Variants in PAK3 observed in about 807,000 individuals in gnomAD.
PAK3 encodes serine/threonine-protein kinase PAK 3.
PAK3 carries 4 observed loss-of-function variants against 41.0 expected under a neutral mutation model. The ratio of observed to expected loss-of-function variants is 0.10; its 90% CI spans 0.05 to 0.22. PAK3 has a LOEUF of 0.22. Ranked by LOEUF, PAK3 falls within the 10% of genes least tolerant of loss-of-function variation. PAK3 has a pLI of 1.00. For synonymous variants in PAK3, 146 were observed against 139.6 expected, an observed-to-expected ratio of 1.05 and a Z score of -0.32; for missense variants, 205 against 409.9, an observed-to-expected ratio of 0.50 and a Z score of 4.32.
intron 1 of PAK3, among the ~76,000 whole-genome samples, chrX:111,037,647 A>C (rs1257985050): frequency 8.9e-6 from 1 of 111,781 alleles, no homozygotes; most frequent in Non-Finnish European, 1.9e-5. Context: ...TACATAGTAC[A>C]TGCTGATGAA....
At chrX:110,977,556 T>C (rs2091363274) in intron 1 of PAK3, among the ~76,000 whole-genome samples, 1 of 111,300 alleles carries the variant, frequency 9.0e-6, no homozygotes, top group Non-Finnish European at 1.9e-5. Flanking sequence ...TCCATTTGCT[T>C]AGGTTTTCTT....
At chrX:111,062,777 A>G (rs2092667948) in intron 1 of PAK3, among the ~76,000 whole-genome samples, 1 of 111,176 alleles carries the variant, frequency 9.0e-6, no homozygotes, top group Non-Finnish European at 1.9e-5. Flanking sequence ...GAGGATAAAG[A>G]ACTGTGATTT....
chrX:111,123,620 G>A lies in PAK3; in HGVS notation c.175+342G>A, dbSNP rs1315516007. Among the ~76,000 whole-genome samples the A allele has an allele frequency of 3.6e-5, 4 of 112,185 alleles. No individual in the cohort carries two copies. The East Asian group carries it at 8.4e-4, about 23-fold the overall frequency. On this transcript the variant is annotated intron_variant, in intron 5 of 17. Coordinates refer to ENST00000372007, the MANE Select transcript of PAK3 (RefSeq NM_002578.5). Reference sequence around the variant, plus strand: ...TACAATAATCCCTCCCTAACTATAAGTTGTTCTTTTTGGAAATTTGGGTAT... The same window carrying A: ...TACAATAATCCCTCCCTAACTATAAATTGTTCTTTTTGGAAATTTGGGTAT...
chrX:111,114,897 T>A (rs1456696618), intron 4 of PAK3, among the ~76,000 whole-genome samples: 1 of 112,129 alleles, frequency 8.9e-6, no homozygotes, highest in Non-Finnish European at 1.9e-5. Context: ...ACTGACTGAT[T>A]TACCCTCAGG....
intron 11 of PAK3, among the ~76,000 whole-genome samples, chrX:111,175,486 C>T (rs1380183561): frequency 2.7e-5 from 3 of 111,384 alleles, no homozygotes; most frequent in Non-Finnish European, 5.7e-5. Flanking sequence ...AAATATGGCT[C>T]GTGGCTCATG....
chrX:111,068,843 T>A (rs1031046281), intron 1 of PAK3, among the ~76,000 whole-genome samples: 22 of 112,410 alleles, frequency 2.0e-4, no homozygotes, highest in South Asian at 1.1e-3. Flanking sequence ...TTTAAAAGTG[T>A]GTTTATGTTT....
intron 1 of PAK3, among the ~76,000 whole-genome samples, chrX:110,969,720 A>G (rs772955808): frequency 1.8e-5 from 2 of 111,666 alleles, no homozygotes; most frequent in African/African-American, 6.5e-5. Flanking sequence ...CACCAATACA[A>G]TGCTCTCTTG....
chrX:111,006,813 C>T (rs981562632), intron 1 of PAK3, among the ~76,000 whole-genome samples: 2 of 8,613 alleles, frequency 2.3e-4, no homozygotes, highest in African/African-American at 2.8e-4. Context: ...CTGCATTTCC[C>T]TTTCTTTCTT....
upstream of PAK3, among the ~76,000 whole-genome samples, chrX:111,096,166 G>C (rs1051003731): frequency 8.9e-6 from 1 of 112,213 alleles, no homozygotes; most frequent in Non-Finnish European, 1.9e-5. Context: ...GAAGGGCTAG[G>C]GAGCGGTTGC....
At chrX:111,006,897 TG>T (rs1264705705) in intron 1 of PAK3, among the ~76,000 whole-genome samples, 1 of 95,134 alleles carries the variant, frequency 1.1e-5, no homozygotes, top group African/African-American at 3.9e-5. Context: ...TCTGCTGGAG[TG>T]TAGTGGTGTG....
chrX:111,035,314 T>A (rs2092389174), intron 1 of PAK3, among the ~76,000 whole-genome samples: 1 of 111,484 alleles, frequency 9.0e-6, no homozygotes, highest in Non-Finnish European at 1.9e-5. Flanking sequence ...AGTCAAGGAT[T>A]CTGCCTCTTG....
At chrX:110,961,696 C>G (rs764873367) in intron 1 of PAK3, among the ~76,000 whole-genome samples, 6 of 112,091 alleles carry the variant, frequency 5.4e-5, no homozygotes, top group Non-Finnish European at 9.4e-5. Context: ...CCCTTCACAG[C>G]TAAGCTTCTT....
chrX:111,053,322 G>A (rs1161238421), intron 1 of PAK3, among the ~76,000 whole-genome samples: 1 of 111,416 alleles, frequency 9.0e-6, no homozygotes, highest in Non-Finnish European at 1.9e-5. Flanking sequence ...ACCAGTGTCA[G>A]TGCAAATGGG....
At chrX:111,169,748 A>G (rs1213813886) in intron 10 of PAK3, among the ~76,000 whole-genome samples, 11 of 112,016 alleles carry the variant, frequency 9.8e-5, no homozygotes, top group African/African-American at 3.2e-4. Context: ...TTGGTGGTAT[A>G]TGGTGATACT....
chrX:111,119,004 T>G (rs2093519360), intron 4 of PAK3, among the ~76,000 whole-genome samples: 1 of 111,428 alleles, frequency 9.0e-6, no homozygotes, highest in Admixed American at 9.6e-5. Flanking sequence ...CAAGGCAAGT[T>G]AATGAAGGTC....
At chrX:110,999,430 G>A (rs945239794) in intron 1 of PAK3, among the ~76,000 whole-genome samples, 1 of 111,116 alleles carries the variant, frequency 9.0e-6, no homozygotes, top group Non-Finnish European at 1.9e-5. Context: ...AGATGGCATG[G>A]CCCCACTCCA....
At chrX:110,955,955 C>T (rs1218089563) in intron 1 of PAK3, among the ~76,000 whole-genome samples, 2 of 111,930 alleles carry the variant, frequency 1.8e-5, no homozygotes, top group African/African-American at 6.5e-5. Context: ...AAGTTTAAGT[C>T]CCTGCTCTGC....
intron 13 of PAK3, 29 bp downstream of exon 13, chrX:111,192,647 T>C (rs1460535428): frequency 2.9e-6 from 2 of 700,980 alleles, no homozygotes; most frequent in African/African-American, 4.2e-5. Flanking sequence ...TATGTACTTA[T>C]ATTCTTTGTG....
intron 1 of PAK3, among the ~76,000 whole-genome samples, chrX:111,019,719 A>T (rs1310376938): frequency 7.5e-5 from 1 of 13,275 alleles, no homozygotes; most frequent in Non-Finnish European, 5.5e-4. Context: ...AAAGAAAAGA[A>T]AAAGGGGGGG....
Sources: allele counts gnomAD v4.1 joint callset (sites outside exome capture counted in the v4.1 genomes callset), GRCh38; gene constraint gnomAD v4.1.1; transcripts MANE v1.5; gene names NCBI Gene and HGNC (gene_info 2026-07-23, HGNC 2026-07-21).